The following ROCK1 variants were observed in gnomAD, a reference collection of about 807,000 sequenced individuals.
ROCK1 encodes the protein rho-associated protein kinase 1.
ROCK1 carries 36 observed loss-of-function variants against 196.8 expected under a neutral mutation model. The ratio of observed to expected loss-of-function variants is 0.18; its 90% confidence interval spans 0.14 to 0.24. The LOEUF is 0.24. Ranked by LOEUF, ROCK1 falls within the 10% of genes least tolerant of loss-of-function variation. ROCK1 has a pLI of 1.00. For synonymous variants in ROCK1, 443 were observed against 515.9 expected (o/e 0.86, Z 1.91); for missense variants, 920 against 1,562.0 (o/e 0.59, Z 6.93).
intron 1 of ROCK1, among the ~76,000 whole-genome samples, chr18:21,100,367 G>A (rs2036648589): frequency 6.6e-6 from 1 of 150,906 alleles, no homozygotes; most frequent in Middle Eastern, 3.2e-3. Flanking sequence ...GGCAAGAAAT[G>A]TACAAGATGA....
chr18:21,108,187 GA>G (rs905824314), intron 1 of ROCK1, among the ~76,000 whole-genome samples: 2 of 152,050 alleles, frequency 1.3e-5, no homozygotes, highest in Non-Finnish European at 2.9e-5. Flanking sequence ...ATTTGAAGGG[GA>G]AAAAACAACC....
chr18:21,053,405 T>C (rs1390843796), intron 2 of ROCK1, among the ~76,000 whole-genome samples: 2 of 152,212 alleles, frequency 1.3e-5, no homozygotes, highest in Admixed American at 6.5e-5. Flanking sequence ...AGGAAGATCA[T>C]AGTGAGTGCT....
chr18:20,959,057 T>TTTTATATAATATATATATTATA (rs1555743135), intron 29 of ROCK1, among the ~76,000 whole-genome samples: 1 of 46,920 alleles, frequency 2.1e-5, no homozygotes, highest in African/African-American at 1.6e-4. Flanking sequence ...AATATATATA[T>TTTTATATAATATATATATTATA]TATATTTTAT....
intron 22 of ROCK1, among the ~76,000 whole-genome samples, chr18:20,972,267 TAAAC>T (rs1419974726): frequency 6.6e-6 from 1 of 152,172 alleles, no homozygotes; most frequent in East Asian, 1.9e-4. Flanking sequence ...ATTTTTCACT[TAAAC>T]AACTAGGAAT....
chr18:21,026,057 C>G (rs1344059202), intron 10 of ROCK1, among the ~76,000 whole-genome samples: 1 of 152,164 alleles, frequency 6.6e-6, no homozygotes, highest in African/African-American at 2.4e-5. Flanking sequence ...GACTCTACTA[C>G]AGAAAATACA....
chr18:20,972,276 AG>A (rs2035436544), intron 22 of ROCK1, among the ~76,000 whole-genome samples: 1 of 152,226 alleles, frequency 6.6e-6, no homozygotes, highest in Non-Finnish European at 1.5e-5. Flanking sequence ...TTAAACAACT[AG>A]GAATAACAGA....
chr18:21,035,911 G>A (rs2036053106), intron 9 of ROCK1, among the ~76,000 whole-genome samples: 1 of 152,160 alleles, frequency 6.6e-6, no homozygotes, highest in African/African-American at 2.4e-5. Context: ...TTACTGGACA[G>A]GGAAATGGAG....
chr18:21,089,354 C>G (rs1290032675), intron 1 of ROCK1, among the ~76,000 whole-genome samples: 1 of 152,204 alleles, frequency 6.6e-6, no homozygotes, highest in Non-Finnish European at 1.5e-5. Flanking sequence ...GCCACCGCAG[C>G]CGGCCTAAAA....
At chr18:20,986,915 T>C (rs1157285489) in intron 19 of ROCK1, 35 bp downstream of exon 19, 2 of 1,539,204 alleles carry the variant, frequency 1.3e-6, no homozygotes, top group Non-Finnish European at 1.8e-6. Context: ...GTTTCTCTTT[T>C]AATAGATGAA....
At chr18:20,987,527 T>A (rs1336597692) in intron 18 of ROCK1, among the ~76,000 whole-genome samples, 4 of 152,218 alleles carry the variant, frequency 2.6e-5, no homozygotes, top group Non-Finnish European at 4.4e-5. Context: ...GGCTTAAGGC[T>A]ATGGTAGGAA....
Position 21,109,692 on chromosome 18 carries a change from C to G in ROCK1, c.93+1126G>C, listed in dbSNP as rs980647253. On this transcript the variant is annotated intron_variant, in intron 1 of 32. Coordinates refer to ENST00000399799, the MANE Select transcript of ROCK1 (RefSeq NM_005406.3). ...GCTTTGGGAAGCTTGTTGTAAAACC[C>G]ATACACGTGGAAAAATACAAATAAA... Among the ~76,000 whole-genome samples the G allele has an allele frequency of 5.3e-5, 8 of 152,202 alleles. No homozygotes were observed. The East Asian group carries it at 5.8e-4, about 11-fold the overall frequency.
intron 9 of ROCK1, among the ~76,000 whole-genome samples, chr18:21,030,022 A>G (rs567633204): frequency 1.3e-5 from 2 of 152,288 alleles, no homozygotes; most frequent in South Asian, 4.1e-4. Flanking sequence ...CAGTAAATTA[A>G]TATTTAGGGA....
At chr18:21,003,865 C>A (rs1387028285) in intron 16 of ROCK1, among the ~76,000 whole-genome samples, 2 of 151,788 alleles carry the variant, frequency 1.3e-5, no homozygotes, top group Admixed American at 1.3e-4. Context: ...CACAAACCAC[C>A]CAAAATCCAA....
intron 2 of ROCK1, among the ~76,000 whole-genome samples, chr18:21,053,231 T>C (rs1261567587): frequency 6.6e-6 from 1 of 152,044 alleles, no homozygotes; most frequent in Non-Finnish European, 1.5e-5. Context: ...CTTTCTCTGC[T>C]AGGCTAGTGA....
intron 1 of ROCK1, among the ~76,000 whole-genome samples, chr18:21,107,609 G>A (rs2036713714): frequency 6.6e-6 from 1 of 152,164 alleles, no homozygotes; most frequent in Non-Finnish European, 1.5e-5. Context: ...CAGACTCACT[G>A]AAAAAGCTGA....
At chr18:21,063,689 T>C (rs1260496501) in intron 2 of ROCK1, among the ~76,000 whole-genome samples, 1 of 152,192 alleles carries the variant, frequency 6.6e-6, no homozygotes, top group Admixed American at 6.5e-5. Flanking sequence ...GCAACGTAGG[T>C]AACTGTACAT....
chr18:20,959,411 C>T (rs568456190), intron 29 of ROCK1, among the ~76,000 whole-genome samples: 1 of 149,584 alleles, frequency 6.7e-6, no homozygotes, highest in African/African-American at 2.5e-5. Context: ...GGGGTTTCAC[C>T]ATGTTGGTCA....
intron 27 of ROCK1, among the ~76,000 whole-genome samples, chr18:20,965,108 C>T (rs1479845685): frequency 6.6e-6 from 1 of 152,112 alleles, no homozygotes; most frequent in African/African-American, 2.4e-5. Flanking sequence ...AGAGCAAGGT[C>T]GGCCAGGCGG....
At chr18:20,978,632 A>G (rs1208046143) in intron 22 of ROCK1, among the ~76,000 whole-genome samples, 1 of 152,212 alleles carries the variant, frequency 6.6e-6, no homozygotes, top group Non-Finnish European at 1.5e-5. Flanking sequence ...CTTCCAGGAA[A>G]CATAAGGGAA....
Sources: gnomAD v4.1 joint callset for allele counts (sites outside exome capture counted in the v4.1 genomes callset) on GRCh38, gnomAD v4.1.1 for gene constraint, MANE v1.5 for transcripts, NCBI Gene and HGNC (gene_info 2026-07-23, HGNC 2026-07-21) for gene names.